The following ALOX12B variants were observed in gnomAD, a reference collection of about 807,000 sequenced individuals.
ALOX12B encodes the protein arachidonate 12-lipoxygenase, 12R type.
Under a neutral mutation model 78.9 loss-of-function variants are expected in ALOX12B, and 47 were observed. That is an observed-to-expected ratio of 0.60 (90% CI 0.47 to 0.76). ALOX12B has a LOEUF of 0.76. Ranked by LOEUF, ALOX12B falls within the 30% of genes least tolerant of loss-of-function variation. ALOX12B has a pLI of 0.00. For synonymous variants in ALOX12B, 370 were observed against 374.5 expected (o/e 0.99, Z 0.14); for missense variants, 805 against 922.6 (o/e 0.87, Z 1.65).
intron 9 of ALOX12B, 114 bp downstream of exon 9, chr17:8,076,876 A>T: frequency 1.4e-6 from 1 of 720,236 alleles, no homozygotes; most frequent in Non-Finnish European, 2.1e-6. Context: ...TGTGGTCCCC[A>T]GATGCCCCCC....
Position 8,076,259 on chromosome 17 carries a change from T to A in ALOX12B, c.1448A>T (p.Asn483Ile). The A allele has an allele frequency of 6.2e-7, 1 of 1,614,120 alleles. No individual in the cohort carries two copies. The highest frequency in any genetic ancestry group is 8.5e-7 in the Non-Finnish European group (1 of 1,179,990). The change falls in exon 11 of 15, where the codon AAT (asparagine) becomes ATT (isoleucine). Residue 483 changes from asparagine (N) to isoleucine (I), a missense_variant. Asn to Ile is a moderately radical substitution (Grantham distance 149). Transcript: ENST00000647874. The stretch of plus-strand genomic sequence containing the variant: ...CTGGACCCCACGCTCCACAAAGTCA[T>A]TGGGGAGGTAGAGGCTGTCATAGGT... ...ELTYDSLYLP[N>I]DFVERGVQDL...
In ALOX12B at chr17:8,074,640, A is replaced by T. The variant is rs368101060; in HGVS notation, c.1655-883T>A. 8.7e-4 allele frequency among the ~76,000 whole-genome samples: 132 copies of T among 152,206 alleles called. 1 individual carries two copies. Among genetic ancestry groups the T allele is most frequent in the African/African-American group, 3.1e-3 (127 of 41,512 alleles). On this transcript the variant is annotated intron_variant, in intron 12 of 14. Transcript: ENST00000647874. The stretch of plus-strand genomic sequence containing the variant: ...GACTGCCAGTGCAGCCTGATATTCT[A>T]GCATACAAGTCTGATCTCCTTGCAA...
Position 8,079,568 on chromosome 17 carries a change from T to C in ALOX12B, c.928-29A>G, listed in dbSNP as rs367698606. The C allele has an allele frequency of 4.5e-6, 7 of 1,549,014 alleles. No homozygotes were observed. Among genetic ancestry groups the C allele is most frequent in the Non-Finnish European group, 6.1e-6 (7 of 1,146,308 alleles). On this transcript the variant is annotated intron_variant, in intron 7 of 14. Transcript: ENST00000647874. This position sits in a 1 kb window ranked among gnomAD's most constrained non-coding sequence, Gnocchi z 6.4. Reference sequence around the variant, plus strand: ...GAGGGGAGCCGCGATGGGTGGCAAGTAGGCACCCACACGGGAAGCCCGTGA... The same window carrying C: ...GAGGGGAGCCGCGATGGGTGGCAAGCAGGCACCCACACGGGAAGCCCGTGA...
intron 1 of ALOX12B, 64 bp downstream of exon 1, chr17:8,087,232 A>G: frequency 1.1e-6 from 1 of 909,490 alleles, no homozygotes; most frequent in South Asian, 2.5e-5. Flanking sequence ...ACACAGACAC[A>G]CACAGACACA....
chr17:8,076,548 A>G (rs1977086578), intron 10 of ALOX12B, 109 bp downstream of exon 10: 1 of 1,345,292 alleles, frequency 7.4e-7, no homozygotes, highest in South Asian at 1.3e-5. Flanking sequence ...CCCTCCCTTC[A>G]TGCCCCCTCA....
In ALOX12B at chr17:8,079,456, G is replaced by T; in HGVS notation, c.1011C>A (p.Cys337Ter). 1 of 1,551,162 alleles carries T rather than the reference G, an allele frequency of 6.4e-7. No individual in the cohort carries two copies. Residue 337 changes from cysteine to a stop codon, truncating the protein, a stop_gained, in exon 8 of 15, where the codon TGC (cysteine) becomes TGA (stop). Transcript: ENST00000647874. LOFTEE classifies it high-confidence loss of function. This position sits in a 1 kb window ranked among gnomAD's most constrained non-coding sequence, Gnocchi z 6.4. The stretch of plus-strand genomic sequence containing the variant: ...CAAAGTGCAGCAGGCAGAGGGGGGC[G>T]CAGTGGTGCTGCTTCCGGCCGCTGA... ...VELSGRKQHHCAPLCLLHFGP... is the reference protein window; with the variant it reads ...VELSGRKQHH
intron 2 of ALOX12B, 140 bp from the exon 3 acceptor site, chr17:8,081,327 G>T: frequency 1.3e-6 from 1 of 781,804 alleles, no homozygotes; most frequent in Non-Finnish European, 2.2e-6. Flanking sequence ...CCTTGGGAGA[G>T]TGAAGGTGCG....
intron 11 of ALOX12B, 108 bp downstream of exon 11, chr17:8,076,067 C>A: frequency 6.9e-7 from 1 of 1,457,838 alleles, no homozygotes; most frequent in Non-Finnish European, 9.5e-7. Flanking sequence ...AAGGCCAAGC[C>A]CCTGGATGAC....
At chr17:8,078,883 A>C (rs544710129) in intron 8 of ALOX12B, among the ~76,000 whole-genome samples, 1 of 147,416 alleles carries the variant, frequency 6.8e-6, no homozygotes, top group African/African-American at 2.5e-5. Context: ...AGTTATATGT[A>C]AATACTGGGA....
In ALOX12B at chr17:8,087,297, G is replaced by A. The variant is rs143526675; in HGVS notation, c.146C>T (p.Ala49Val). ...NHFGRDFATGAVGQYTVQCPQ... is the reference protein window; with the variant it reads ...NHFGRDFATGVVGQYTVQCPQ... ...ACACACACACACACACACTCTTACC[G>A]CCCCAGTTGCAAAGTCTCTCCCAAA... The change falls in exon 1 of 15, where the codon GCG (alanine) becomes GTG (valine). Residue 49 changes from alanine (A) to valine (V), a missense_variant and splice_region_variant. Ala to Val is a moderately conservative substitution (Grantham distance 64). Coordinates refer to ENST00000647874, the MANE Select transcript of ALOX12B (RefSeq NM_001139.3). 25 of 1,588,768 alleles carry A rather than the reference G, an allele frequency of 1.6e-5. No homozygotes were observed. Among genetic ancestry groups the A allele is most frequent in the South Asian group, 7.8e-5 (7 of 90,194 alleles).
In ALOX12B at chr17:8,079,340, G is replaced by C. The variant is rs1308340845; in HGVS notation, c.1071+56C>G. ...GCTCACATAAGCGCGCGCACACTCG[G>C]AGGAGCATTCGCGCACACAGAGGCT... On this transcript the variant is annotated intron_variant, in intron 8 of 14. Transcript: ENST00000647874. This position sits in a 1 kb window ranked among gnomAD's most constrained non-coding sequence, Gnocchi z 6.4. 8.4e-6 allele frequency: 13 copies of C among 1,546,668 alleles called. No individual in the cohort carries two copies. Among genetic ancestry groups the C allele is most frequent in the Non-Finnish European group, 1.1e-5 (13 of 1,145,512 alleles).
intron 11 of ALOX12B, 78 bp from the exon 12 acceptor site, chr17:8,075,794 G>C (rs866253356): frequency 1.9e-6 from 3 of 1,612,496 alleles, no homozygotes; most frequent in Non-Finnish European, 2.5e-6. Context: ...CCTCCCCCAG[G>C]GTGCCCTGAC....
At chr17:8,078,008 T>C (rs1056024921) in intron 8 of ALOX12B, among the ~76,000 whole-genome samples, 148 of 152,340 alleles carry the variant, frequency 9.7e-4, no homozygotes, top group African/African-American at 3.5e-3. Flanking sequence ...CAGACTTTTT[T>C]TCCTTGTCAT....
At position 8,079,943 on chromosome 17, in the gene ALOX12B, T is replaced by TGCGAGGACGGC; in HGVS notation, c.755-13_755-3dup. 6.2e-7 allele frequency: 1 copy of TGCGAGGACGGC among 1,611,100 alleles called. No individual in the cohort carries two copies. Among genetic ancestry groups the TGCGAGGACGGC allele is most frequent in the African/African-American group, 1.3e-5 (1 of 74,976 alleles). ...CTGCCCAGTGCTCGGCCACGTACTC[T>TGCGAGGACGGC]GCGAGGACGGCGCGAGGGCGTCACA... On this transcript the variant is annotated splice_polypyrimidine_tract_variant and splice_region_variant and intron_variant, in intron 6 of 14. Transcript: ENST00000647874. The surrounding 1 kb of genome is among the most constrained non-coding windows in gnomAD (Gnocchi z 6.4).
chr17:8,082,416 G>T (rs1480328048), intron 2 of ALOX12B, among the ~76,000 whole-genome samples: 1 of 152,156 alleles, frequency 6.6e-6, no homozygotes, highest in Non-Finnish European at 1.5e-5. Flanking sequence ...ATGTTCCCAT[G>T]CTCTGAGCGT....
chr17:8,072,977 G>A (rs1204677634), intron 14 of ALOX12B, 27 bp from the exon 15 acceptor site: 1 of 1,604,198 alleles, frequency 6.2e-7, no homozygotes, highest in Non-Finnish European at 8.5e-7. Context: ...CGACAGCTGG[G>A]ACCAGGGCCG....
chr17:8,072,776 T>C lies in ALOX12B; in HGVS notation c.2101A>G (p.Ile701Val). ...GAGAGACGGGAAGCGCGCTCCTAAA[T>C]AGAAATGCTGTTCTCAATCAGCACC... ...DPVLIENSIS[I>V] Residue 701 changes from isoleucine to valine, a missense_variant, in exon 15 of 15, where the codon ATT (isoleucine) becomes GTT (valine). Ile to Val is a conservative substitution (Grantham distance 29). Coordinates refer to ENST00000647874, the MANE Select transcript of ALOX12B (RefSeq NM_001139.3). 1 of 1,614,238 alleles carries C rather than the reference T, an allele frequency of 6.2e-7. No individual in the cohort carries two copies. The highest frequency in any genetic ancestry group is 8.5e-7 in the Non-Finnish European group (1 of 1,180,034).
At position 8,072,890 on chromosome 17, in the gene ALOX12B, C is replaced by G; in HGVS notation, c.1987G>C (p.Glu663Gln). 1 of 1,614,148 alleles carries G rather than the reference C, an allele frequency of 6.2e-7. No homozygotes were observed. Among genetic ancestry groups the G allele is most frequent in the Non-Finnish European group, 8.5e-7 (1 of 1,180,022 alleles). The change falls in exon 15 of 15, where the codon GAG (glutamate) becomes CAG (glutamine). Residue 663 changes from glutamate to glutamine, a missense_variant. Glu to Gln is a conservative substitution (Grantham distance 29, BLOSUM62 2). Coordinates refer to ENST00000647874, the MANE Select transcript of ALOX12B (RefSeq NM_001139.3). ...FVEEAPRRSI[E>Q]AFRQRLNQIS... Reference sequence around the variant, plus strand: ...TGGTTCAGGCGCTGGCGGAACGCCTCTATGCTCCTCCGCGGGGCCTCCTCC... The same window carrying G: ...TGGTTCAGGCGCTGGCGGAACGCCTGTATGCTCCTCCGCGGGGCCTCCTCC...
Position 8,083,027 on chromosome 17 carries a change from T to C in ALOX12B, c.353-1840A>G, listed in dbSNP as rs146125028. ...AAATTCATTGGTTGACAAAGCCTGC[T>C]GTGAATCTCCCTGAGGCTATATACA... On this transcript the variant is annotated intron_variant, in intron 2 of 14. Transcript: ENST00000647874. 9.3e-3 allele frequency among the ~76,000 whole-genome samples: 1,416 copies of C among 152,284 alleles called. 19 individuals carry two copies. The highest frequency in any genetic ancestry group is 0.032 in the African/African-American group (1,342 of 41,542).
Sources: gnomAD v4.1 joint callset for allele counts (sites outside exome capture counted in the v4.1 genomes callset) on GRCh38, gnomAD v4.1.1 for gene constraint, Gnocchi (gnomAD v3.1) non-coding constraint, MANE v1.5 for transcripts, NCBI Gene and HGNC (gene_info 2026-07-23, HGNC 2026-07-21) for gene names.